CATSPERE: variants seen among roughly 807,000 people sequenced by gnomAD.
CATSPERE encodes the protein catsper channel auxiliary subunit epsilon, also known as cation channel sperm-associated auxiliary subunit epsilon.
CATSPERE carries 93 observed loss-of-function variants against 114.1 expected under a neutral mutation model. That is an observed-to-expected ratio of 0.81 (90% CI 0.69 to 0.97). CATSPERE has a LOEUF of 0.97. Among genes scored for constraint, CATSPERE ranks in the 50% least tolerant of loss-of-function variants. The probability of loss-of-function intolerance (pLI) is 0.00; values close to 1 mark genes in which losing one functional copy is unlikely to be tolerated. For missense variants in CATSPERE, 1,058 were observed against 1,131.6 expected (o/e 0.93, Z 0.93); for synonymous variants, 341 against 384.1 (o/e 0.89, Z 1.31).
intron 11 of CATSPERE, among the ~76,000 whole-genome samples, chr1:244,576,412 T>TA (rs960422818): frequency 6.6e-6 from 1 of 150,752 alleles, no homozygotes; most frequent in Non-Finnish European, 1.5e-5. Context: ...AGCATTCAGA[T>TA]AAAAAGTTTT....
intron 21 of CATSPERE, 86 bp downstream of exon 21, chr1:244,635,628 T>C: frequency 2.0e-6 from 2 of 1,002,186 alleles, no homozygotes; most frequent in Non-Finnish European, 1.6e-6. Context: ...CTCTCCCCCG[T>C]GTCTCCCAGA....
At chr1:244,632,421 A>G (rs1011149780) in intron 20 of CATSPERE, among the ~76,000 whole-genome samples, 4 of 151,668 alleles carry the variant, frequency 2.6e-5, no homozygotes, top group East Asian at 1.9e-4. Context: ...GAAAAAGAAA[A>G]AGAAAAGAAA....
Position 244,477,985 on chromosome 1 carries a change from T to A in CATSPERE, c.258+10T>A. The A allele has an allele frequency of 1.9e-6, 3 of 1,560,358 alleles. No homozygotes were observed. The highest frequency in any genetic ancestry group is 2.6e-6 in the Non-Finnish European group (3 of 1,133,966). On this transcript the variant is annotated intron_variant, in intron 4 of 21. Transcript: ENST00000366534. ...AATTGTTACTGGCCCAGTAAGTTGT[T>A]TTAATGATATGTTATTAAATCTTGA...
At chr1:244,539,886 A>G (rs1363386974) in intron 8 of CATSPERE, among the ~76,000 whole-genome samples, 1 of 149,238 alleles carries the variant, frequency 6.7e-6, no homozygotes, top group Non-Finnish European at 1.5e-5. Context: ...TAGTCTTGCT[A>G]GTGGTCTATC....
chr1:244,512,358 G>A (rs944315888), intron 7 of CATSPERE, among the ~76,000 whole-genome samples: 4 of 152,082 alleles, frequency 2.6e-5, no homozygotes, highest in Non-Finnish European at 5.9e-5. Context: ...TTTATGCATT[G>A]AATTCTTCAG....
intron 8 of CATSPERE, among the ~76,000 whole-genome samples, chr1:244,528,785 C>CCACACACGCACACACA (rs749801424): frequency 3.1e-5 from 4 of 130,584 alleles, no homozygotes; most frequent in South Asian, 2.6e-4. Flanking sequence ...CAATCCCCCA[C>CCACACACGCACACACA]CACACACACA....
intron 16 of CATSPERE, 34 bp from the exon 17 acceptor site, chr1:244,593,465 A>G (rs1374903400): frequency 1.9e-6 from 3 of 1,613,424 alleles, no homozygotes; most frequent in African/African-American, 1.3e-5. Context: ...TGGACCAAAT[A>G]TATAAAATCA....
In CATSPERE at chr1:244,575,400, C is replaced by T. The variant is rs377555425; in HGVS notation, c.1950+2628C>T. 4.6e-5 allele frequency among the ~76,000 whole-genome samples: 7 copies of T among 152,334 alleles called. No individual in the cohort carries two copies. The highest frequency in any genetic ancestry group is 2.1e-4 in the South Asian group (1 of 4,828). ...CCTACCTCTTGGCTGCCGGGCTGCG[C>T]GGCATGGTATCCTGGCCCCGGCACA... On this transcript the variant is annotated intron_variant, in intron 11 of 21. Coordinates refer to ENST00000366534, the MANE Select transcript of CATSPERE (RefSeq NM_001130957.2). This position sits in a 1 kb window ranked among gnomAD's most constrained non-coding sequence, Gnocchi z 4.5.
chr1:244,578,293 T>C (rs1038807919), intron 11 of CATSPERE, among the ~76,000 whole-genome samples: 7 of 152,116 alleles, frequency 4.6e-5, no homozygotes, highest in Non-Finnish European at 1.0e-4. Flanking sequence ...GCTGAGACTA[T>C]GGGTGTGCAC....
In CATSPERE at chr1:244,580,356, T is replaced by A. The variant is rs1314968538; in HGVS notation, c.1951-1440T>A. Among the ~76,000 whole-genome samples, 4 of 151,874 alleles carry A rather than the reference T, an allele frequency of 2.6e-5. No individual in the cohort carries two copies. In the East Asian group the frequency reaches 5.8e-4, roughly 22 times the overall value. On this transcript the variant is annotated intron_variant, in intron 11 of 21. Coordinates refer to ENST00000366534, the MANE Select transcript of CATSPERE (RefSeq NM_001130957.2). The stretch of plus-strand genomic sequence containing the variant: ...CTCTGAAATCAGGATGAGTCTTACA[T>A]CCTATAGGAATTGAGGCTCAATGAA...
chr1:244,458,936 C>T (rs921244858), upstream of CATSPERE, among the ~76,000 whole-genome samples: 1 of 152,180 alleles, frequency 6.6e-6, no homozygotes, highest in Non-Finnish European at 1.5e-5. Context: ...CTTGTCCACA[C>T]AGAGTGTCTG....
At chr1:244,461,589 G>T (rs1292609802) in intron 1 of CATSPERE, 95 bp downstream of exon 1, 2 of 1,033,768 alleles carry the variant, frequency 1.9e-6, no homozygotes, top group East Asian at 3.3e-5. Flanking sequence ...TGCGCCTCGG[G>T]ACCGCTCGCC....
intron 7 of CATSPERE, among the ~76,000 whole-genome samples, chr1:244,514,828 C>CAAAAAA (rs371207477): frequency 2.4e-5 from 1 of 42,400 alleles, no homozygotes. Flanking sequence ...GACTCCATCT[C>CAAAAAA]AAAAAAAAAA....
At chr1:244,561,483 ACAAAC>A (rs1460814224) in intron 10 of CATSPERE, among the ~76,000 whole-genome samples, 4 of 152,196 alleles carry the variant, frequency 2.6e-5, no homozygotes, top group Non-Finnish European at 2.9e-5. Context: ...ACAAAGTACC[ACAAAC>A]TGGATGACTT....
At chr1:244,459,871 C>T (rs931757851), upstream of CATSPERE, among the ~76,000 whole-genome samples, 2 of 152,200 alleles carry the variant, frequency 1.3e-5, 1 homozygote, top group Admixed American at 1.3e-4. Context: ...GCATGAGTTG[C>T]TCAGACAGTT....
At chr1:244,459,332 C>G (rs928125219), upstream of CATSPERE, among the ~76,000 whole-genome samples, 1 of 152,172 alleles carries the variant, frequency 6.6e-6, no homozygotes, top group South Asian at 2.1e-4. Context: ...CCACTTCAGT[C>G]TCCCAGAGTG....
intron 7 of CATSPERE, among the ~76,000 whole-genome samples, chr1:244,518,365 A>G (rs1676976006): frequency 6.6e-6 from 1 of 152,172 alleles, no homozygotes; most frequent in Non-Finnish European, 1.5e-5. Flanking sequence ...TTGTGTGTAG[A>G]GTTTTTGACG....
chr1:244,527,300 C>T (rs1195419009), intron 8 of CATSPERE, among the ~76,000 whole-genome samples: 2 of 152,162 alleles, frequency 1.3e-5, no homozygotes, highest in Non-Finnish European at 2.9e-5. Flanking sequence ...GAGGCCTTCC[C>T]TCAGGGACGC....
chr1:244,513,387 T>G (rs906300939), intron 7 of CATSPERE, among the ~76,000 whole-genome samples: 1 of 152,048 alleles, frequency 6.6e-6, no homozygotes, highest in Non-Finnish European at 1.5e-5. Context: ...CATACATAAG[T>G]GCCAGTGGTG....
Sources: allele counts gnomAD v4.1 joint callset (sites outside exome capture counted in the v4.1 genomes callset), GRCh38; gene constraint gnomAD v4.1.1; non-coding constraint Gnocchi (gnomAD v3.1); transcripts MANE v1.5; gene names NCBI Gene and HGNC (gene_info 2026-07-23, HGNC 2026-07-21).